ZNRF3: variants seen among roughly 807,000 people sequenced by gnomAD.
ZNRF3 encodes the protein zinc and ring finger 3.
In ZNRF3, 23 loss-of-function variants were observed where a neutral mutation model predicts 72.5. That is an observed-to-expected ratio of 0.32 (90% CI 0.23 to 0.45). ZNRF3 has a LOEUF of 0.45. Ranked by LOEUF, ZNRF3 falls within the 20% of genes least tolerant of loss-of-function variation. The probability of loss-of-function intolerance (pLI) is 1.00; values close to 1 mark genes in which losing one functional copy is unlikely to be tolerated. For synonymous variants in ZNRF3, 610 were observed against 545.3 expected, an observed-to-expected ratio of 1.12 and a Z score of -1.65; for missense variants, 1,169 against 1,272.1, an observed-to-expected ratio of 0.92 and a Z score of 1.23.
rs559393355 is a variant in ZNRF3 at position 28,994,343 on chromosome 22, C to T, written c.426+7142C>T. On this transcript the variant is annotated intron_variant, in intron 2 of 8. Transcript: ENST00000544604. The stretch of plus-strand genomic sequence containing the variant: ...CTGGGATTACAGGCATGCACCACCA[C>T]GCCTGGATAATTTATTTTATATTTT... 4.0e-5 allele frequency among the ~76,000 whole-genome samples: 6 copies of T among 151,550 alleles called. No homozygotes were observed. In the East Asian group the frequency reaches 7.8e-4, roughly 20 times the overall value.
chr22:28,929,508 A>G (rs2034668253), intron 1 of ZNRF3, among the ~76,000 whole-genome samples: 1 of 152,216 alleles, frequency 6.6e-6, no homozygotes, highest in African/African-American at 2.4e-5. Context: ...GGAGGGGCAA[A>G]GTTGACCTCA....
chr22:29,006,354 C>G (rs1021877875), intron 2 of ZNRF3, among the ~76,000 whole-genome samples: 3 of 151,750 alleles, frequency 2.0e-5, no homozygotes, highest in African/African-American at 7.3e-5. Flanking sequence ...GCTGGACTTA[C>G]AGGCGTGTAC....
Position 28,992,172 on chromosome 22 carries a change from C to G in ZNRF3, c.426+4971C>G, listed in dbSNP as rs1456331472. ...TATCTCTCTCCCTCTTCCCCCCAAC[C>G]CCCCGCCCCGGCCCCGCACACCACC... On this transcript the variant is annotated intron_variant, in intron 2 of 8. Transcript: ENST00000544604. Among the ~76,000 whole-genome samples, 5 of 141,324 alleles carry G rather than the reference C, an allele frequency of 3.5e-5. No individual in the cohort carries two copies. The East Asian group carries it at 1.1e-3, about 31-fold the overall frequency. The allele number at this position is 141,324 out of a possible 152,430, so 92.7% of individuals were successfully genotyped here. A position where few individuals can be genotyped will look rare whatever the true frequency, so the allele number is the denominator to read the frequency against.
Position 29,050,928 on chromosome 22 carries a change from C to T in ZNRF3, c.2747C>T (p.Thr916Ile). The T allele has an allele frequency of 6.6e-7, 1 of 1,522,138 alleles. No homozygotes were observed. Among genetic ancestry groups the T allele is most frequent in the Non-Finnish European group, 8.7e-7 (1 of 1,143,024 alleles). The allele number at this position is 1,522,138 out of a possible 1,614,324, so 94.3% of individuals were successfully genotyped here. The change falls in exon 8 of 9, where the codon ACC (threonine) becomes ATC (isoleucine). Residue 916 changes from threonine (T) to isoleucine (I), a missense_variant. This residue lies in a region of ZNRF3 where 783 missense variants were observed against 731.4 expected (regional missense o/e 1.07). Transcript: ENST00000544604. ...SALQDTQESS[T>I]TATEAAGPRS... The stretch of plus-strand genomic sequence containing the variant: ...CTCCAGGACACTCAGGAGTCCAGCA[C>T]CACTGCCACTGAGGCTGCAGGTGAG...
At chr22:28,989,495 G>A (rs183997458) in intron 2 of ZNRF3, among the ~76,000 whole-genome samples, 194 of 152,274 alleles carry the variant, frequency 1.3e-3, no homozygotes, top group Admixed American at 2.0e-3. Flanking sequence ...AAAAAAATAG[G>A]TTAAAGGAAG....
At chr22:28,908,965 C>G (rs527904843) in intron 1 of ZNRF3, among the ~76,000 whole-genome samples, 1 of 152,108 alleles carries the variant, frequency 6.6e-6, no homozygotes, top group Admixed American at 6.5e-5. Flanking sequence ...GGCACGATCT[C>G]GACTCACTGC....
chr22:28,942,435 CCCTTT>C (rs1259298966), intron 1 of ZNRF3, among the ~76,000 whole-genome samples: 4 of 152,170 alleles, frequency 2.6e-5, no homozygotes, highest in Non-Finnish European at 5.9e-5. Context: ...AGCTTTTAGC[CCCTTT>C]CCTTCTTGTC....
intron 2 of ZNRF3, among the ~76,000 whole-genome samples, chr22:29,028,805 T>G (rs1434857286): frequency 6.6e-6 from 1 of 152,202 alleles, no homozygotes. Flanking sequence ...TTTCCTTACT[T>G]TCCCTCTTGG....
intron 1 of ZNRF3, among the ~76,000 whole-genome samples, chr22:28,927,071 GATC>G (rs2034615795): frequency 6.7e-6 from 1 of 149,530 alleles, no homozygotes; most frequent in Admixed American, 6.7e-5. Flanking sequence ...AGTGAGCTGA[GATC>G]ATTTCACTGC....
At chr22:28,964,979 G>C (rs770638587) in intron 1 of ZNRF3, among the ~76,000 whole-genome samples, 4 of 152,108 alleles carry the variant, frequency 2.6e-5, no homozygotes, top group Non-Finnish European at 5.9e-5. Flanking sequence ...GCCTTGTCTC[G>C]TATGCTTGAA....
At chr22:29,036,974 A>T (rs1213873925) in intron 2 of ZNRF3, among the ~76,000 whole-genome samples, 1 of 152,210 alleles carries the variant, frequency 6.6e-6, no homozygotes, top group Non-Finnish European at 1.5e-5. Flanking sequence ...AAGAGGTTGA[A>T]GACATGTCTT....
intron 2 of ZNRF3, among the ~76,000 whole-genome samples, chr22:29,033,029 G>C (rs2123873329): frequency 6.6e-6 from 1 of 152,250 alleles, no homozygotes; most frequent in Middle Eastern, 3.4e-3. Flanking sequence ...CCACCATTGA[G>C]TTTGGGATTT....
chr22:28,996,066 G>A (rs1300402026), intron 2 of ZNRF3, among the ~76,000 whole-genome samples: 1 of 152,190 alleles, frequency 6.6e-6, no homozygotes, highest in African/African-American at 2.4e-5. Context: ...GTGAGCCACT[G>A]TGCCTGGCCA....
intron 1 of ZNRF3, among the ~76,000 whole-genome samples, chr22:28,982,688 T>A (rs1414504380): frequency 6.6e-6 from 1 of 152,100 alleles, no homozygotes; most frequent in African/African-American, 2.4e-5. Flanking sequence ...TGCCTTTGCC[T>A]AGAATACTCC....
At chr22:28,904,097 G>A (rs1480535182) in intron 1 of ZNRF3, among the ~76,000 whole-genome samples, 2 of 152,054 alleles carry the variant, frequency 1.3e-5, no homozygotes, top group African/African-American at 4.8e-5. Flanking sequence ...AAAAAAAAAT[G>A]CATTTAAATA....
In ZNRF3 at chr22:29,050,219, A is replaced by C; in HGVS notation, c.2038A>C (p.Ser680Arg). Residue 680 changes from serine (S) to arginine (R), a missense_variant, in exon 8 of 9, where the codon AGC becomes CGC. Around this residue, in one of 2 missense-constraint regions of ZNRF3, gnomAD observed 783 missense variants for 731.4 expected, o/e 1.07. Transcript: ENST00000544604. ...CTCCCTGGAGCACAGGGGGCCCAAT[A>C]GCTCTACCTCAGAAGTGGGGCTCGA... ...NSSLEHRGPN[S>R]STSEVGLEAS... is the part of the protein sequence containing the mutation. The C allele has an allele frequency of 6.2e-7, 1 of 1,600,218 alleles. No individual in the cohort carries two copies. Among genetic ancestry groups the C allele is most frequent in the Non-Finnish European group, 8.5e-7 (1 of 1,179,816 alleles).
chr22:28,885,208 G>T (rs1017690519), intron 1 of ZNRF3, among the ~76,000 whole-genome samples: 7 of 152,026 alleles, frequency 4.6e-5, no homozygotes, highest in African/African-American at 1.7e-4. Flanking sequence ...TCCTTCCTTG[G>T]GTGCAGACTC....
At chr22:28,903,580 C>T (rs1569240299) in intron 1 of ZNRF3, among the ~76,000 whole-genome samples, 2 of 152,042 alleles carry the variant, frequency 1.3e-5, no homozygotes, top group Non-Finnish European at 2.9e-5. Flanking sequence ...AAATCCCCTC[C>T]CCATCCTGAA....
At chr22:28,942,331 C>T (rs907565620) in intron 1 of ZNRF3, among the ~76,000 whole-genome samples, 1 of 152,166 alleles carries the variant, frequency 6.6e-6, no homozygotes, top group Non-Finnish European at 1.5e-5. Flanking sequence ...AACCAACAGG[C>T]GGACTGTTCT....
Sources: allele counts gnomAD v4.1 joint callset (sites outside exome capture counted in the v4.1 genomes callset), GRCh38; gene constraint gnomAD v4.1.1; regional missense constraint gnomAD v4.1.1; transcripts MANE v1.5; gene names NCBI Gene and HGNC (gene_info 2026-07-23, HGNC 2026-07-21).